PRR5L: variants seen among roughly 807,000 people sequenced by gnomAD.
The protein encoded by PRR5L is proline rich 5 like, also known as proline-rich protein 5-like.
In PRR5L, 21 loss-of-function variants were observed where a neutral mutation model predicts 36.4. That is an observed-to-expected ratio of 0.58 (90% CI 0.41 to 0.83). The LOEUF is 0.83. PRR5L is among the 40% of genes least tolerant of loss of function. The probability of loss-of-function intolerance (pLI) is 0.00; values close to 1 mark genes in which losing one functional copy is unlikely to be tolerated. For missense variants in PRR5L, 381 were observed against 473.3 expected (o/e 0.80, Z 1.81); for synonymous variants, 188 against 197.0 (o/e 0.95, Z 0.38).
chr11:36,336,314 C>T (rs1345814801), intron 1 of PRR5L, among the ~76,000 whole-genome samples: 1 of 152,136 alleles, frequency 6.6e-6, no homozygotes, highest in African/African-American at 2.4e-5. Context: ...CTTGCAACCT[C>T]CTTCTCCTGG....
chr11:36,427,132 A>T (rs1007965296), intron 4 of PRR5L, among the ~76,000 whole-genome samples: 1 of 152,210 alleles, frequency 6.6e-6, no homozygotes, highest in Non-Finnish European at 1.5e-5. Flanking sequence ...CATCTTGTTT[A>T]CATTTTTCCT....
intron 1 of PRR5L, chr11:36,375,864 T>C (rs949923877): frequency 4.9e-6 from 1 of 204,270 alleles, no homozygotes; most frequent in African/African-American, 2.3e-5. Context: ...AAGATTTCAC[T>C]TGCATTATAT....
At chr11:36,342,938 T>C (rs991523978) in intron 1 of PRR5L, among the ~76,000 whole-genome samples, 9 of 152,242 alleles carry the variant, frequency 5.9e-5, no homozygotes, top group Non-Finnish European at 1.3e-4. Context: ...GGGCACTGGA[T>C]AGAACTGCTT....
At chr11:36,402,624 T>C (rs1320084340) in intron 2 of PRR5L, among the ~76,000 whole-genome samples, 1 of 152,198 alleles carries the variant, frequency 6.6e-6, no homozygotes, top group East Asian at 1.9e-4. Context: ...CAAAATGTTT[T>C]GGTGTTAAAT....
chr11:36,350,756 C>G (rs568610735), intron 1 of PRR5L, among the ~76,000 whole-genome samples: 66 of 151,018 alleles, frequency 4.4e-4, no homozygotes, highest in African/African-American at 1.6e-3. Context: ...ATCCTTATAG[C>G]TTAGCTCCCA....
chr11:36,456,062 C>T (rs867726687), intron 8 of PRR5L, among the ~76,000 whole-genome samples: 27 of 152,106 alleles, frequency 1.8e-4, no homozygotes, highest in Middle Eastern at 3.4e-3. Context: ...TTGGAAACCA[C>T]GAGAGCTGGG....
chr11:36,313,549 A>G (rs1311400702), intron 1 of PRR5L, among the ~76,000 whole-genome samples: 1 of 152,168 alleles, frequency 6.6e-6, no homozygotes, highest in Non-Finnish European at 1.5e-5. Context: ...AGGTGAGCCA[A>G]TGACAAATGT....
intron 1 of PRR5L, among the ~76,000 whole-genome samples, chr11:36,338,661 G>C (rs941599202): frequency 2.0e-5 from 3 of 152,108 alleles, no homozygotes; most frequent in Non-Finnish European, 4.4e-5. Flanking sequence ...GTGACATCAT[G>C]CTCTGTGTTG....
intron 1 of PRR5L, among the ~76,000 whole-genome samples, chr11:36,366,747 G>C (rs115836371): frequency 6.6e-6 from 1 of 152,152 alleles, no homozygotes; most frequent in African/African-American, 2.4e-5. Context: ...TGGTTAGAGG[G>C]TTGTACAGTA....
chr11:36,340,716 T>C (rs1856809427), intron 1 of PRR5L, among the ~76,000 whole-genome samples: 1 of 152,200 alleles, frequency 6.6e-6, no homozygotes, highest in Non-Finnish European at 1.5e-5. Context: ...GGGAGGAAAC[T>C]GCCCCTGCCC....
At chr11:36,436,427 AC>A (rs1234298803) in intron 5 of PRR5L, among the ~76,000 whole-genome samples, 7 of 152,218 alleles carry the variant, frequency 4.6e-5, no homozygotes, top group African/African-American at 1.7e-4. Flanking sequence ...GCACTGGGTG[AC>A]CTGTGTGCTC....
chr11:36,304,216 AG>A (rs1174643104), intron 1 of PRR5L, among the ~76,000 whole-genome samples: 2 of 152,218 alleles, frequency 1.3e-5, no homozygotes, highest in Non-Finnish European at 2.9e-5. Context: ...ATTCATGTGT[AG>A]AGGACATGGA....
At chr11:36,311,522 A>C (rs1468771706) in intron 1 of PRR5L, among the ~76,000 whole-genome samples, 1 of 152,206 alleles carries the variant, frequency 6.6e-6, no homozygotes, top group Non-Finnish European at 1.5e-5. Flanking sequence ...ATAATAAAAA[A>C]ATTGGAGAGG....
intron 1 of PRR5L, among the ~76,000 whole-genome samples, chr11:36,326,325 A>ACACG (rs1554984640): frequency 1.8e-4 from 27 of 151,924 alleles, no homozygotes; most frequent in African/African-American, 6.3e-4. Context: ...ACACACACAC[A>ACACG]CACACACACA....
At chr11:36,375,577 C>T (rs989038703) in intron 1 of PRR5L, among the ~76,000 whole-genome samples, 2 of 152,156 alleles carry the variant, frequency 1.3e-5, no homozygotes, top group African/African-American at 2.4e-5. Context: ...GATGTGCGAT[C>T]GGGCAGCATT....
intron 3 of PRR5L, 46 bp downstream of exon 3, chr11:36,403,424 A>C: frequency 6.7e-7 from 1 of 1,486,838 alleles, no homozygotes; most frequent in Non-Finnish European, 9.4e-7. Flanking sequence ...TATAAACCTG[A>C]GCAGGGGCAT....
rs114693619 is a variant in PRR5L at position 36,385,607 on chromosome 11, G to T, written c.-125-15390G>T. The stretch of plus-strand genomic sequence containing the variant: ...CTCTCAGACTCTTCTCTCTGCACTC[G>T]GTTTCCAGTAGCGCCTGAGAAAGTT... On this transcript the variant is annotated intron_variant, in intron 1 of 8. Coordinates refer to ENST00000530639, the MANE Select transcript of PRR5L (RefSeq NM_001160167.2). Among the ~76,000 whole-genome samples, 694 of 152,274 alleles carry T rather than the reference G, an allele frequency of 4.6e-3. 2 individuals are homozygous for T. The highest frequency in any genetic ancestry group is 0.016 in the African/African-American group (668 of 41,542).
intron 1 of PRR5L, among the ~76,000 whole-genome samples, chr11:36,325,909 T>C (rs887232038): frequency 2.6e-5 from 4 of 152,246 alleles, no homozygotes; most frequent in Non-Finnish European, 5.9e-5. Context: ...ATTATTTTCT[T>C]AGGATAGATT....
chr11:36,414,886 G>A (rs931035262), intron 3 of PRR5L, among the ~76,000 whole-genome samples: 42 of 141,850 alleles, frequency 3.0e-4, no homozygotes, highest in African/African-American at 9.7e-4. Flanking sequence ...ATTAATTTTT[G>A]TATAAGGTGT....
Sources: allele counts gnomAD v4.1 joint callset (sites outside exome capture counted in the v4.1 genomes callset), GRCh38; gene constraint gnomAD v4.1.1; transcripts MANE v1.5; gene names NCBI Gene and HGNC (gene_info 2026-07-23, HGNC 2026-07-21).